Variants in NPSR1 observed in about 807,000 individuals in gnomAD.
The protein encoded by NPSR1 is neuropeptide S receptor.
In NPSR1, 48 loss-of-function variants were observed where a neutral mutation model predicts 46.9. The observed-to-expected ratio is 1.02, with a 90% CI of 0.81 to 1.30. The LOEUF (loss-of-function observed/expected upper bound fraction) is 1.30. Among genes scored for constraint, NPSR1 ranks in the 50% most tolerant of loss-of-function variants. The pLI, the probability that NPSR1 is intolerant of heterozygous loss-of-function variation, is 0.00. For synonymous variants in NPSR1, 176 were observed against 168.1 expected, an observed-to-expected ratio of 1.05 and a Z score of -0.36; for missense variants, 450 against 449.5, an observed-to-expected ratio of 1.00 and a Z score of -0.01.
chr7:34,669,030 T>A (rs985240056), intron 1 of NPSR1, among the ~76,000 whole-genome samples: 9 of 152,160 alleles, frequency 5.9e-5, no homozygotes, highest in African/African-American at 1.9e-4. Context: ...TAAGTTCACA[T>A]AATAGTTAAT....
At chr7:34,779,493 ATATT>A in intron 3 of NPSR1, 1 of 725,300 alleles carries the variant, frequency 1.4e-6, no homozygotes, top group Non-Finnish European at 2.0e-6. Context: ...CTTTGTATAT[ATATT>A]CATAAGTAAA....
chr7:34,829,434 A>T (rs975561532), intron 5 of NPSR1, among the ~76,000 whole-genome samples: 2 of 152,228 alleles, frequency 1.3e-5, no homozygotes, highest in African/African-American at 4.8e-5. Flanking sequence ...GTCACAGCGC[A>T]TGGGAAGGGG....
chr7:34,868,788 C>T (rs1017978776), intron 8 of NPSR1, among the ~76,000 whole-genome samples: 5 of 151,626 alleles, frequency 3.3e-5, no homozygotes, highest in African/African-American at 4.9e-5. Flanking sequence ...GGCAGGGTCA[C>T]TAGAAGTCTG....
Position 34,671,353 on chromosome 7 carries a change from A to G in NPSR1, c.147+12794A>G, listed in dbSNP as rs1455115889. ...GTATTTTCTAGAGTGAGCACATATT[A>G]TATTTATTATTCTAAACGACAAAAT... On this transcript the variant is annotated intron_variant, in intron 1 of 8. Coordinates refer to ENST00000360581, the MANE Select transcript of NPSR1 (RefSeq NM_207172.2). Among the ~76,000 whole-genome samples, 5 of 152,308 alleles carry G rather than the reference A, an allele frequency of 3.3e-5. No homozygotes were observed. The East Asian group carries it at 9.7e-4, about 29-fold the overall frequency.
intron 2 of NPSR1, among the ~76,000 whole-genome samples, chr7:34,757,449 G>T (rs1046800502): frequency 6.6e-6 from 1 of 152,100 alleles, no homozygotes; most frequent in African/African-American, 2.4e-5. Flanking sequence ...TGCAGGTGTC[G>T]GCCAGTGTTT....
At chr7:34,695,807 A>T (rs1480111591) in intron 2 of NPSR1, among the ~76,000 whole-genome samples, 1 of 152,120 alleles carries the variant, frequency 6.6e-6, no homozygotes, top group Non-Finnish European at 1.5e-5. Context: ...AAAACAATAG[A>T]TGCTGGCAAG....
intron 2 of NPSR1, chr7:34,750,437 G>A (rs1216704264): frequency 8.1e-6 from 6 of 743,576 alleles, no homozygotes; most frequent in Non-Finnish European, 1.5e-5. Context: ...ACGGGGCTCT[G>A]GTGTGACGAA....
intron 1 of NPSR1, among the ~76,000 whole-genome samples, chr7:34,663,873 G>C (rs1222890646): frequency 2.6e-5 from 4 of 152,184 alleles, no homozygotes; most frequent in African/African-American, 9.7e-5. Context: ...TGAAAGCCCA[G>C]TGCTGACTTG....
chr7:34,712,590 C>T (rs1195545412), intron 2 of NPSR1, among the ~76,000 whole-genome samples: 1 of 152,136 alleles, frequency 6.6e-6, no homozygotes, highest in Non-Finnish European at 1.5e-5. Flanking sequence ...GGAGGCCAGA[C>T]TATGGAATCT....
intron 2 of NPSR1, among the ~76,000 whole-genome samples, chr7:34,732,439 C>T (rs944184913): frequency 2.0e-5 from 3 of 152,208 alleles, no homozygotes; most frequent in African/African-American, 4.8e-5. Context: ...AGGAACTGGA[C>T]CACTTGGGCA....
intron 3 of NPSR1, chr7:34,779,658 T>C (rs903494458): frequency 2.1e-6 from 2 of 965,054 alleles, no homozygotes; most frequent in Non-Finnish European, 2.7e-6. Flanking sequence ...GCCTTTTCTA[T>C]TATGTACGGC....
intron 4 of NPSR1, among the ~76,000 whole-genome samples, chr7:34,818,921 A>G (rs996089935): frequency 6.6e-6 from 1 of 152,248 alleles, no homozygotes; most frequent in Non-Finnish European, 1.5e-5. Context: ...AATTAACTCA[A>G]GATGGATTAA....
downstream of NPSR1, among the ~76,000 whole-genome samples, chr7:34,853,589 G>A (rs1790986221): frequency 2.6e-5 from 4 of 152,228 alleles, no homozygotes; most frequent in Admixed American, 2.6e-4. Context: ...AGTGGATGGA[G>A]TCTTATATCA....
At chr7:34,783,588 T>C (rs1039116366) in intron 3 of NPSR1, among the ~76,000 whole-genome samples, 13 of 152,006 alleles carry the variant, frequency 8.6e-5, no homozygotes, top group Non-Finnish European at 1.5e-4. Flanking sequence ...AAAATATAGA[T>C]TATTTAAAGA....
chr7:34,811,864 G>A lies in NPSR1; in HGVS notation c.478+1G>A, dbSNP rs1385465540. ...TACCCCATGAAGTTCCTTCAAGGAG[G>A]TGAGCTGGCTTTACCAGGTGCTCTT... is the stretch of plus-strand genomic sequence containing the variant. On this transcript the variant is annotated splice_donor_variant, in intron 4 of 8. Transcript: ENST00000360581. LOFTEE classifies it high-confidence loss of function. 2.5e-6 allele frequency: 4 copies of A among 1,609,430 alleles called. No individual in the cohort carries two copies. The highest frequency in any genetic ancestry group is 1.7e-4 in the Middle Eastern group (1 of 6,046).
chr7:34,714,554 G>A (rs1783469764), intron 2 of NPSR1, among the ~76,000 whole-genome samples: 1 of 152,200 alleles, frequency 6.6e-6, no homozygotes, highest in Non-Finnish European at 1.5e-5. Flanking sequence ...TCACATATTA[G>A]AGCATCTACA....
intron 2 of NPSR1, chr7:34,753,708 A>G (rs1785664984): frequency 6.6e-6 from 1 of 152,190 alleles, no homozygotes; most frequent in Non-Finnish European, 1.5e-5. Context: ...CAACATAAAG[A>G]GACGCCCCTG....
At chr7:34,745,714 C>T (rs1440527441) in intron 2 of NPSR1, among the ~76,000 whole-genome samples, 1 of 152,132 alleles carries the variant, frequency 6.6e-6, no homozygotes. Context: ...GGGTCTCACT[C>T]TGTTGCCCAG....
At position 34,658,578 on chromosome 7, in the gene NPSR1, ACT is replaced by A. The variant is rs1791298391; in HGVS notation, c.147+22_147+23del. On this transcript the variant is annotated intron_variant, in intron 1 of 8. Coordinates refer to ENST00000360581, the MANE Select transcript of NPSR1 (RefSeq NM_207172.2). ...CTTTAAGGTAAGTTTCTTGCCTGCG[ACT>A]CTGAACACTGACTTATAACAATGAG... 6.2e-7 allele frequency: 1 copy of A among 1,611,408 alleles called. No individual in the cohort carries two copies. Among genetic ancestry groups the A allele is most frequent in the Non-Finnish European group, 8.5e-7 (1 of 1,178,042 alleles).
Sources: gnomAD v4.1 joint callset for allele counts (sites outside exome capture counted in the v4.1 genomes callset) on GRCh38, gnomAD v4.1.1 for gene constraint, MANE v1.5 for transcripts, NCBI Gene and HGNC (gene_info 2026-07-23, HGNC 2026-07-21) for gene names.